Variants in EYS observed in about 807,000 individuals in gnomAD.
The protein encoded by EYS is protein eyes shut homolog.
EYS carries 250 observed loss-of-function variants against 282.1 expected under a neutral mutation model. The ratio of observed to expected loss-of-function variants is 0.89; its 90% CI spans 0.80 to 0.98. The LOEUF (loss-of-function observed/expected upper bound fraction) is 0.98, where lower values mean the gene tolerates loss of function less well. Ranked by LOEUF, EYS falls within the 50% of genes least tolerant of loss-of-function variation. EYS has a pLI of 0.00. For missense variants in EYS, 4,016 were observed against 3,709.0 expected (o/e 1.08, Z -2.15); for synonymous variants, 1,355 against 1,282.9 (o/e 1.06, Z -1.20).
chr6:64,353,541 C>T lies in EYS; in HGVS notation c.6078+35149G>A, dbSNP rs572329500. On this transcript the variant is annotated intron_variant, in intron 29 of 42. Coordinates refer to ENST00000503581, the MANE Select transcript of EYS (RefSeq NM_001142800.2). ...AAATCTCAAAAGCAAACAAATTTTT[C>T]CCTCTGGGTTTGTTGATGACAGAAA... 5.3e-5 allele frequency among the ~76,000 whole-genome samples: 8 copies of T among 151,566 alleles called. No individual in the cohort carries two copies. The South Asian group carries it at 1.7e-3, about 32-fold the overall frequency.
At chr6:64,019,626 G>A (rs1300174640) in intron 33 of EYS, among the ~76,000 whole-genome samples, 3 of 151,510 alleles carry the variant, frequency 2.0e-5, no homozygotes, top group Non-Finnish European at 4.4e-5. Context: ...GGCCAGGCTG[G>A]TCTCGAACTC....
chr6:64,079,067 C>T (rs6929034), intron 32 of EYS, among the ~76,000 whole-genome samples: 2,623 of 152,106 alleles, frequency 0.017, 82 homozygotes, highest in African/African-American at 0.059. Flanking sequence ...AATCACTTTT[C>T]TTTGTCTTTC....
At chr6:64,317,149 A>G (rs1056030657) in intron 29 of EYS, among the ~76,000 whole-genome samples, 7 of 152,164 alleles carry the variant, frequency 4.6e-5, no homozygotes, top group African/African-American at 1.7e-4. Context: ...GGACATAGGC[A>G]TGGCAAAGAC....
At chr6:64,465,235 A>G (rs1775880634) in intron 26 of EYS, among the ~76,000 whole-genome samples, 1 of 152,112 alleles carries the variant, frequency 6.6e-6, no homozygotes. Flanking sequence ...TCTCAATGAC[A>G]TTCTAACAAA....
intron 22 of EYS, among the ~76,000 whole-genome samples, chr6:64,759,593 ACT>A (rs1562176127): frequency 6.6e-6 from 1 of 152,210 alleles, no homozygotes; most frequent in African/African-American, 2.4e-5. Flanking sequence ...CAGAATTAAC[ACT>A]GAGAGGTTAA....
chr6:64,678,161 G>A (rs1562128718), intron 22 of EYS, among the ~76,000 whole-genome samples: 1 of 151,190 alleles, frequency 6.6e-6, no homozygotes, highest in East Asian at 2.0e-4. Context: ...ACTAGCTTTT[G>A]AGTATCAAAA....
intron 19 of EYS, among the ~76,000 whole-genome samples, 158 bp from the exon 20 acceptor site, chr6:64,822,980 A>G (rs1764945161): frequency 6.6e-6 from 1 of 151,982 alleles, no homozygotes; most frequent in African/African-American, 2.4e-5. Context: ...AAGGTTAAAT[A>G]TATTTAGGTC....
chr6:64,415,115 G>C (rs1774021092), intron 28 of EYS, among the ~76,000 whole-genome samples: 1 of 152,130 alleles, frequency 6.6e-6, no homozygotes, highest in African/African-American at 2.4e-5. Context: ...GTGACTAGAA[G>C]AACCACACTG....
chr6:64,452,801 G>A (rs999191975), intron 26 of EYS, among the ~76,000 whole-genome samples: 26 of 152,154 alleles, frequency 1.7e-4, no homozygotes, highest in Admixed American at 1.3e-3. Flanking sequence ...AAACTGGCTA[G>A]CCATATGTAG....
intron 36 of EYS, among the ~76,000 whole-genome samples, chr6:63,856,454 G>A (rs1193702487): frequency 1.3e-5 from 2 of 152,206 alleles, no homozygotes; most frequent in South Asian, 2.1e-4. Flanking sequence ...TTGGCCTTGA[G>A]AGTTTAGTGT....
chr6:65,044,067 A>G (rs956403895), intron 13 of EYS, among the ~76,000 whole-genome samples: 2 of 151,706 alleles, frequency 1.3e-5, no homozygotes, highest in African/African-American at 2.4e-5. Flanking sequence ...GATAATAATA[A>G]GAGCCATGCT....
chr6:65,661,662 G>T (rs1376831341), intron 1 of EYS, among the ~76,000 whole-genome samples: 1 of 151,994 alleles, frequency 6.6e-6, no homozygotes, highest in South Asian at 2.1e-4. Context: ...CAGAAAGGAG[G>T]ATAAGGCAAA....
rs1768378647 is a variant in EYS, at chr6:63,721,337, A to C, written c.8694T>G (p.Ser2898=). ...CAGCCCAATCTGGCAAACATCTGCAAGAAAAAGTTGTGCCATTTACTGTAC... is the reference window on the plus strand; with the variant it reads ...CAGCCCAATCTGGCAAACATCTGCACGAAAAAGTTGTGCCATTTACTGTAC... ...GECTVNGTTF[S]CRCLPDWAGN... is the part of the protein sequence containing the mutation. Residue 2898 remains serine (S), a synonymous_variant, in exon 43 of 43, where the codon TCT becomes TCG. Coordinates refer to ENST00000503581, the MANE Select transcript of EYS (RefSeq NM_001142800.2). 6.4e-7 allele frequency: 1 copy of C among 1,552,028 alleles called. No individual in the cohort carries two copies. Among genetic ancestry groups the C allele is most frequent in the East Asian group, 2.4e-5 (1 of 40,914 alleles).
chr6:65,055,804 A>G (rs1446063430), intron 13 of EYS, among the ~76,000 whole-genome samples: 1 of 152,018 alleles, frequency 6.6e-6, no homozygotes, highest in East Asian at 1.9e-4. Flanking sequence ...TTCATATCAA[A>G]AGTTTAGGTT....
chr6:64,718,786 C>T (rs1034642711), intron 22 of EYS, among the ~76,000 whole-genome samples: 1 of 152,148 alleles, frequency 6.6e-6, no homozygotes, highest in Non-Finnish European at 1.5e-5. Context: ...TTAGTATATG[C>T]CATGCAATAT....
intron 1 of EYS, among the ~76,000 whole-genome samples, chr6:65,661,435 G>T (rs1363665376): frequency 6.6e-6 from 1 of 151,904 alleles, no homozygotes; most frequent in Non-Finnish European, 1.5e-5. Context: ...ATTTGCACAA[G>T]GCTATGCTAC....
In EYS at chr6:63,776,565, TACAC is replaced by T. The variant is rs1409382203; in HGVS notation, c.7898+1437_7898+1440del. ...AATAATATTTTAAAAAATGCTTTGT[TACAC>T]ACAAAGTCCTGTGCAATTGTAAGGT... On this transcript the variant is annotated intron_variant, in intron 40 of 42. Coordinates refer to ENST00000503581, the MANE Select transcript of EYS (RefSeq NM_001142800.2). Among the ~76,000 whole-genome samples, 5 of 152,330 alleles carry T rather than the reference TACAC, an allele frequency of 3.3e-5. No homozygotes were observed. The East Asian group carries it at 5.8e-4, about 18-fold the overall frequency.
chr6:64,367,754 G>A (rs760200260), intron 29 of EYS, among the ~76,000 whole-genome samples: 20 of 152,022 alleles, frequency 1.3e-4, no homozygotes, highest in Admixed American at 1.0e-3. Flanking sequence ...CAACGGCAGC[G>A]TGGGGAGCTA....
At chr6:65,393,106 G>T (rs1271799393) in intron 7 of EYS, among the ~76,000 whole-genome samples, 1 of 151,650 alleles carries the variant, frequency 6.6e-6, no homozygotes. Context: ...CTCACTCATA[G>T]GTGGGAATTG....
Sources: gnomAD v4.1 joint callset for allele counts (sites outside exome capture counted in the v4.1 genomes callset) on GRCh38, gnomAD v4.1.1 for gene constraint, MANE v1.5 for transcripts, NCBI Gene and HGNC (gene_info 2026-07-23, HGNC 2026-07-21) for gene names.